The following HIP1 variants were observed in gnomAD, a reference collection of about 807,000 sequenced individuals.
HIP1 encodes the protein huntingtin-interacting protein 1.
HIP1 carries 65 observed loss-of-function variants against 147.6 expected under a neutral mutation model. The ratio of observed to expected loss-of-function variants is 0.44; its 90% CI spans 0.36 to 0.54. The LOEUF is 0.54. Among genes scored for constraint, HIP1 ranks in the 20% least tolerant of loss-of-function variants. HIP1 has a pLI of 0.00. For synonymous variants in HIP1, 479 were observed against 504.0 expected (o/e 0.95, Z 0.67); for missense variants, 1,061 against 1,299.6 (o/e 0.82, Z 2.82).
chr7:75,736,464 C>A (rs1802024225), intron 1 of HIP1, among the ~76,000 whole-genome samples: 1 of 151,754 alleles, frequency 6.6e-6, no homozygotes, highest in Non-Finnish European at 1.5e-5. Context: ...TGCCTGTAGT[C>A]CCAGCACTTT....
intron 1 of HIP1, among the ~76,000 whole-genome samples, chr7:75,735,353 A>G (rs1478254858): frequency 3.9e-5 from 6 of 152,162 alleles, no homozygotes; most frequent in Admixed American, 2.6e-4. Context: ...CTGTGCCTCA[A>G]TCGTCCTGAG....
At chr7:75,632,432 G>T (rs1254988758) in intron 1 of HIP1, among the ~76,000 whole-genome samples, 1 of 152,006 alleles carries the variant, frequency 6.6e-6, no homozygotes, top group Non-Finnish European at 1.5e-5. Flanking sequence ...TAGAGAAAAG[G>T]TCTCACTCTG....
chr7:75,665,085 C>A lies in HIP1; in HGVS notation c.121-65838G>T, dbSNP rs145903441. 6.1e-4 allele frequency among the ~76,000 whole-genome samples: 92 copies of A among 152,018 alleles called. No individual in the cohort carries two copies. In the South Asian group the frequency reaches 7.7e-3, roughly 13 times the overall value. ...GGGAAATATAGTGAATATAGTGAGACCCTGTTTCTACAAAAAAAATTTAAA... is the reference window on the plus strand; with the variant it reads ...GGGAAATATAGTGAATATAGTGAGAACCTGTTTCTACAAAAAAAATTTAAA... On this transcript the variant is annotated intron_variant, in intron 1 of 30. Coordinates refer to ENST00000336926, the MANE Select transcript of HIP1 (RefSeq NM_005338.7).
At chr7:75,593,391 G>A (rs1194603372) in intron 2 of HIP1, among the ~76,000 whole-genome samples, 2 of 152,090 alleles carry the variant, frequency 1.3e-5, no homozygotes, top group African/African-American at 4.8e-5. Flanking sequence ...AGCACTTTGG[G>A]GGGCCAAGGT....
chr7:75,594,428 C>T (rs1273831799), intron 2 of HIP1, among the ~76,000 whole-genome samples: 1 of 152,118 alleles, frequency 6.6e-6, no homozygotes, highest in South Asian at 2.1e-4. Flanking sequence ...TCTCCCCAGG[C>T]CTGATTCCAA....
intron 2 of HIP1, 31 bp from the exon 3 acceptor site, chr7:75,592,545 G>A (rs782194036): frequency 6.2e-7 from 1 of 1,603,116 alleles, no homozygotes; most frequent in East Asian, 2.2e-5. Context: ...ACAACGGATG[G>A]GCTCTGCCAG....
chr7:75,628,774 C>T (rs912158165), intron 1 of HIP1, among the ~76,000 whole-genome samples: 8 of 152,152 alleles, frequency 5.3e-5, no homozygotes, highest in South Asian at 4.1e-4. Flanking sequence ...CCACTGCATG[C>T]GGCCTGTACC....
At chr7:75,558,391 C>CAG in intron 14 of HIP1, 136 bp from the exon 15 acceptor site, 1 of 703,910 alleles carries the variant, frequency 1.4e-6, no homozygotes, top group South Asian at 1.6e-5. Context: ...GGCTGGGGTG[C>CAG]AGTGGCACAA....
chr7:75,579,916 C>T (rs1554498299), intron 7 of HIP1, among the ~76,000 whole-genome samples: 1 of 152,142 alleles, frequency 6.6e-6, no homozygotes, highest in African/African-American at 2.4e-5. Flanking sequence ...ATGGAACGCC[C>T]TGAGTCTCAG....
intron 1 of HIP1, among the ~76,000 whole-genome samples, chr7:75,682,879 T>A (rs1304551911): frequency 2.0e-5 from 3 of 152,148 alleles, no homozygotes; most frequent in African/African-American, 7.2e-5. Flanking sequence ...CCCGCTCTGC[T>A]GGTCAGCAAG....
intron 1 of HIP1, among the ~76,000 whole-genome samples, chr7:75,662,315 C>G (rs969330385): frequency 2.0e-5 from 3 of 151,944 alleles, no homozygotes; most frequent in Non-Finnish European, 4.4e-5. Flanking sequence ...TCCCGAGTAG[C>G]TGGGAGTACA....
At chr7:75,567,103 C>T (rs1584806992) in intron 9 of HIP1, among the ~76,000 whole-genome samples, 1 of 150,600 alleles carries the variant, frequency 6.6e-6, no homozygotes, top group Admixed American at 6.6e-5. Context: ...CAGAGCGAGA[C>T]TCTGTCTCAA....
chr7:75,642,692 C>A (rs1798685808), intron 1 of HIP1, among the ~76,000 whole-genome samples: 1 of 152,242 alleles, frequency 6.6e-6, no homozygotes, highest in Non-Finnish European at 1.5e-5. Context: ...GTCCTTCCCT[C>A]TTCCTGAGCT....
Position 75,563,188 on chromosome 7 carries a change from C to T in HIP1, c.879G>A (p.Glu293=). The change falls in exon 10 of 31, where the codon GAG becomes GAA. Residue 293 remains glutamate, a splice_region_variant and synonymous_variant. Coordinates refer to ENST00000336926, the MANE Select transcript of HIP1 (RefSeq NM_005338.7). ...AGGGTGTGTGGTTGGGCATGCTTAC[C>T]TCAGGCAGCTGGGGGATCTGAATGA... ...KRLIQIPQLP[E]NPPNFLRASA... 1 of 1,614,222 alleles carries T rather than the reference C, an allele frequency of 6.2e-7. No homozygotes were observed. The highest frequency in any genetic ancestry group is 8.5e-7 in the Non-Finnish European group (1 of 1,180,034).
chr7:75,684,915 C>T (rs1800208395), intron 1 of HIP1, among the ~76,000 whole-genome samples: 1 of 151,860 alleles, frequency 6.6e-6, no homozygotes, highest in Non-Finnish European at 1.5e-5. Flanking sequence ...CATGGTGAAA[C>T]CCCGTCTCTA....
rs182057249 is a variant in HIP1 at position 75,617,136 on chromosome 7, G to T, written c.121-17889C>A. On this transcript the variant is annotated intron_variant, in intron 1 of 30. Transcript: ENST00000336926. Reference sequence around the variant, plus strand: ...TGTCACCTGGCTGGAGTGCAATGGCGTGATCTCAGCTCACTGCAACCTCCG... The same window carrying T: ...TGTCACCTGGCTGGAGTGCAATGGCTTGATCTCAGCTCACTGCAACCTCCG... 2.0e-5 allele frequency among the ~76,000 whole-genome samples: 3 copies of T among 148,512 alleles called. No homozygotes were observed. The East Asian group carries it at 5.9e-4, about 29-fold the overall frequency.
At chr7:75,695,237 T>C (rs1370387380) in intron 1 of HIP1, among the ~76,000 whole-genome samples, 1 of 152,150 alleles carries the variant, frequency 6.6e-6, no homozygotes. Flanking sequence ...GCCAGCACTC[T>C]CACTGGGGAC....
At chr7:75,686,273 C>T (rs1385202242) in intron 1 of HIP1, among the ~76,000 whole-genome samples, 4 of 152,104 alleles carry the variant, frequency 2.6e-5, no homozygotes, top group Non-Finnish European at 4.4e-5. Context: ...TATTTATATG[C>T]TTTTGGTGTC....
chr7:75,724,619 T>C (rs572114827), intron 1 of HIP1, among the ~76,000 whole-genome samples: 2 of 152,328 alleles, frequency 1.3e-5, no homozygotes, highest in East Asian at 3.9e-4. Flanking sequence ...TAATTTATTT[T>C]CTATTTAACA....
Sources: allele counts gnomAD v4.1 joint callset (sites outside exome capture counted in the v4.1 genomes callset), GRCh38; gene constraint gnomAD v4.1.1; transcripts MANE v1.5; gene names NCBI Gene and HGNC (gene_info 2026-07-23, HGNC 2026-07-21).